Variants in DSCAML1 observed in about 807,000 individuals in gnomAD.
The protein encoded by DSCAML1 is cell adhesion molecule DSCAML1.
A neutral mutation model predicts 200.5 loss-of-function variants in DSCAML1; 38 were observed. The observed-to-expected ratio is 0.19, with a 90% confidence interval of 0.15 to 0.25. The LOEUF (loss-of-function observed/expected upper bound fraction) is 0.25, where lower values mean the gene tolerates loss of function less well. DSCAML1 is among the 10% of genes least tolerant of loss of function. DSCAML1 has a pLI of 1.00. For synonymous variants in DSCAML1, 1,215 were observed against 1,165.0 expected, an observed-to-expected ratio of 1.04 and a Z score of -0.87; for missense variants, 2,223 against 2,858.8, an observed-to-expected ratio of 0.78 and a Z score of 5.07.
chr11:117,609,939 T>C (rs2051653180), intron 3 of DSCAML1, among the ~76,000 whole-genome samples: 1 of 152,158 alleles, frequency 6.6e-6, no homozygotes, highest in African/African-American at 2.4e-5. Flanking sequence ...TCTGCAGAAC[T>C]GGCCTTGCCC....
chr11:117,772,398 A>G lies in DSCAML1; in HGVS notation c.511+4393T>C, dbSNP rs539925042. Among the ~76,000 whole-genome samples, 45 of 152,236 alleles carry G rather than the reference A, an allele frequency of 3.0e-4. No individual in the cohort carries two copies. In the South Asian group the frequency reaches 8.9e-3, roughly 30 times the overall value. Reference sequence around the variant, plus strand: ...TTGCCCGTGTCTCCCTACCCACAATAAACAGTGTCCTCAGCGCACTTTCAG... The same window carrying G: ...TTGCCCGTGTCTCCCTACCCACAATGAACAGTGTCCTCAGCGCACTTTCAG... On this transcript the variant is annotated intron_variant, in intron 3 of 32. Coordinates refer to ENST00000651296, the MANE Select transcript of DSCAML1 (RefSeq NM_020693.4).
intron 3 of DSCAML1, among the ~76,000 whole-genome samples, chr11:117,558,916 T>A (rs1265373934): frequency 6.6e-6 from 1 of 152,040 alleles, no homozygotes; most frequent in Non-Finnish European, 1.5e-5. Flanking sequence ...GGGTTAATTT[T>A]ATTATTATTA....
chr11:117,777,063 TC>T, intron 2 of DSCAML1, 126 bp from the exon 3 acceptor site: 1 of 1,004,126 alleles, frequency 1.0e-6, no homozygotes. Context: ...ACTTCTTCCT[TC>T]CCCCATCCTG....
intron 11 of DSCAML1, among the ~76,000 whole-genome samples, chr11:117,502,276 C>T (rs191301723): frequency 6.6e-5 from 10 of 152,354 alleles, no homozygotes; most frequent in Admixed American, 2.0e-4. Context: ...GGAACAACTA[C>T]TTGCCACAGA....
chr11:117,659,640 G>A (rs535032040), intron 3 of DSCAML1, among the ~76,000 whole-genome samples: 257 of 152,300 alleles, frequency 1.7e-3, no homozygotes, highest in Non-Finnish European at 2.8e-3. Context: ...TCTGTGGTAC[G>A]ATTCAGGACT....
At chr11:117,777,852 G>A (rs2055159543) in intron 2 of DSCAML1, among the ~76,000 whole-genome samples, 1 of 152,158 alleles carries the variant, frequency 6.6e-6, no homozygotes, top group African/African-American at 2.4e-5. Context: ...CCTCTGCCTT[G>A]TCCTCCTCTG....
intron 3 of DSCAML1, among the ~76,000 whole-genome samples, chr11:117,770,406 G>A (rs1251614758): frequency 6.6e-6 from 1 of 152,166 alleles, no homozygotes; most frequent in South Asian, 2.1e-4. Flanking sequence ...CATCTGAACA[G>A]CAGAGAATCA....
intron 3 of DSCAML1, among the ~76,000 whole-genome samples, chr11:117,695,087 A>G (rs1445982032): frequency 5.3e-5 from 8 of 152,202 alleles, no homozygotes; most frequent in Admixed American, 3.3e-4. Flanking sequence ...AAGCAACACA[A>G]TAAGTGCTCA....
chr11:117,462,785 G>A (rs535283991), intron 17 of DSCAML1, among the ~76,000 whole-genome samples: 36 of 152,346 alleles, frequency 2.4e-4, no homozygotes, highest in African/African-American at 8.4e-4. Context: ...CCCAGGAGGA[G>A]TGCTAATATT....
At chr11:117,444,198 G>T (rs1029222541) in intron 20 of DSCAML1, among the ~76,000 whole-genome samples, 159 bp from the exon 21 acceptor site, 1 of 152,182 alleles carries the variant, frequency 6.6e-6, no homozygotes, top group Non-Finnish European at 1.5e-5. Flanking sequence ...AGATGCAGCG[G>T]ACAGAGTGTG....
At chr11:117,767,883 A>G (rs916884683) in intron 3 of DSCAML1, among the ~76,000 whole-genome samples, 3 of 152,156 alleles carry the variant, frequency 2.0e-5, no homozygotes, top group African/African-American at 7.2e-5. Flanking sequence ...GGTTCCAAGC[A>G]TGATTAAATG....
chr11:117,512,542 A>G (rs1455478279), intron 8 of DSCAML1, among the ~76,000 whole-genome samples: 15 of 152,106 alleles, frequency 9.9e-5, no homozygotes, highest in African/African-American at 3.6e-4. Context: ...TTCTTGGTCC[A>G]GAGAGAAAAC....
chr11:117,539,152 G>A (rs978318642), intron 3 of DSCAML1, among the ~76,000 whole-genome samples: 1 of 152,060 alleles, frequency 6.6e-6, no homozygotes, highest in African/African-American at 2.4e-5. Context: ...TTTCACTCAC[G>A]AGGAAACTGC....
chr11:117,663,133 C>T (rs1448211309), intron 3 of DSCAML1, among the ~76,000 whole-genome samples: 2 of 152,186 alleles, frequency 1.3e-5, no homozygotes, highest in Admixed American at 1.3e-4. Flanking sequence ...CAGCATGAGA[C>T]CCACTCTCAG....
chr11:117,697,030 G>A (rs2053597273), intron 3 of DSCAML1, among the ~76,000 whole-genome samples: 1 of 152,188 alleles, frequency 6.6e-6, no homozygotes, highest in Non-Finnish European at 1.5e-5. Flanking sequence ...ACTTCCTTTG[G>A]CACATCACAG....
intron 3 of DSCAML1, among the ~76,000 whole-genome samples, chr11:117,683,428 A>G (rs1236636539): frequency 6.6e-6 from 1 of 152,242 alleles, no homozygotes; most frequent in African/African-American, 2.4e-5. Context: ...GAACATGCAG[A>G]GGAGAGCCGA....
intron 1 of DSCAML1, among the ~76,000 whole-genome samples, chr11:117,802,348 T>C (rs901177628): frequency 4.7e-4 from 71 of 152,112 alleles, no homozygotes; most frequent in African/African-American, 1.7e-3. Flanking sequence ...TTGTCTAGAA[T>C]TGTGGCTATT....
At chr11:117,725,607 G>T (rs138937371) in intron 3 of DSCAML1, among the ~76,000 whole-genome samples, 1 of 152,122 alleles carries the variant, frequency 6.6e-6, no homozygotes, top group African/African-American at 2.4e-5. Flanking sequence ...CATCCGTTCC[G>T]ATCAGCTGCT....
At chr11:117,558,128 T>G (rs1217420587) in intron 3 of DSCAML1, among the ~76,000 whole-genome samples, 1 of 152,068 alleles carries the variant, frequency 6.6e-6, no homozygotes, top group Non-Finnish European at 1.5e-5. Flanking sequence ...GTTTAGCCAG[T>G]GTCTCCCAGG....
Sources: gnomAD v4.1 joint callset for allele counts (sites outside exome capture counted in the v4.1 genomes callset) on GRCh38, gnomAD v4.1.1 for gene constraint, MANE v1.5 for transcripts, NCBI Gene and HGNC (gene_info 2026-07-23, HGNC 2026-07-21) for gene names.